The following INVS variants were observed in gnomAD, a reference collection of about 807,000 sequenced individuals.
The protein encoded by INVS is inversion of embryo turning homolog.
Under a neutral mutation model 108.8 loss-of-function variants are expected in INVS, and 86 were observed. The ratio of observed to expected loss-of-function variants is 0.79; its 90% CI spans 0.66 to 0.95. The LOEUF (loss-of-function observed/expected upper bound fraction) is 0.95, where lower values mean the gene tolerates loss of function less well. Ranked by LOEUF, INVS falls within the 40% of genes least tolerant of loss-of-function variation. INVS has a pLI of 0.00. For missense variants in INVS, 1,169 were observed against 1,297.4 expected (o/e 0.90, Z 1.52); for synonymous variants, 455 against 473.5 (o/e 0.96, Z 0.51).
At chr9:100,253,813 C>T (rs375366176) in intron 10 of INVS, among the ~76,000 whole-genome samples, 1 of 152,148 alleles carries the variant, frequency 6.6e-6, no homozygotes, top group South Asian at 2.1e-4. Context: ...TCCAGTCTAT[C>T]ATTGATGTAC....
At chr9:100,169,332 T>A (rs1829464625) in intron 3 of INVS, among the ~76,000 whole-genome samples, 1 of 152,194 alleles carries the variant, frequency 6.6e-6, no homozygotes, top group Non-Finnish European at 1.5e-5. Context: ...TATCCCTACA[T>A]ACTTACGCTG....
At chr9:100,100,903 G>A (rs1430308709) in intron 1 of INVS, among the ~76,000 whole-genome samples, 4 of 36,258 alleles carry the variant, frequency 1.1e-4, no homozygotes, top group African/African-American at 7.1e-4. Flanking sequence ...TATTATATAT[G>A]TATATATATT....
chr9:100,169,816 A>G (rs1256452546), intron 3 of INVS, among the ~76,000 whole-genome samples: 1 of 152,142 alleles, frequency 6.6e-6, no homozygotes, highest in Non-Finnish European at 1.5e-5. Flanking sequence ...TCCCTTTTCT[A>G]TAGTCATTCA....
intron 5 of INVS, among the ~76,000 whole-genome samples, chr9:100,234,460 G>T (rs907580373): frequency 2.6e-5 from 4 of 152,092 alleles, no homozygotes; most frequent in African/African-American, 9.7e-5. Context: ...TGATGTTAGG[G>T]TGTCAATTTT....
intron 3 of INVS, among the ~76,000 whole-genome samples, chr9:100,192,814 A>C (rs10989006): frequency 0.19 from 29,360 of 152,012 alleles, 4,522 homozygotes; most frequent in African/African-American, 0.43. Flanking sequence ...AAGTTGAGTA[A>C]TTTTCATATG....
chr9:100,257,023 A>G (rs1832442103), intron 10 of INVS, among the ~76,000 whole-genome samples: 1 of 152,182 alleles, frequency 6.6e-6, no homozygotes, highest in Non-Finnish European at 1.5e-5. Context: ...AAAGCCTCCC[A>G]TGATTATTGT....
intron 2 of INVS, 135 bp from the exon 3 acceptor site, chr9:100,126,245 ACTT>A (rs920403903): frequency 4.2e-6 from 3 of 711,624 alleles, no homozygotes; most frequent in African/African-American, 3.5e-5. Flanking sequence ...GGTAATATCT[ACTT>A]CTTAGGACAA....
intron 3 of INVS, among the ~76,000 whole-genome samples, chr9:100,167,651 C>T (rs1215415459): frequency 6.6e-6 from 1 of 152,118 alleles, no homozygotes; most frequent in Non-Finnish European, 1.5e-5. Context: ...ACTTATTTAT[C>T]TTGCTTATTG....
chr9:100,281,541 C>T (rs1833276964), intron 12 of INVS, among the ~76,000 whole-genome samples: 1 of 152,184 alleles, frequency 6.6e-6, no homozygotes, highest in Non-Finnish European at 1.5e-5. Context: ...ACTGCTATTA[C>T]ATCAAAGAAC....
intron 2 of INVS, among the ~76,000 whole-genome samples, chr9:100,124,495 C>T (rs1428025749): frequency 6.7e-6 from 1 of 150,314 alleles, no homozygotes; most frequent in East Asian, 1.9e-4. Context: ...GGGAGGATTG[C>T]TTTAGCCCAG....
chr9:100,224,652 T>C (rs924010437), intron 3 of INVS, among the ~76,000 whole-genome samples: 5 of 152,216 alleles, frequency 3.3e-5, no homozygotes, highest in African/African-American at 9.6e-5. Context: ...AGTCCGGCTC[T>C]GTCACCCAGG....
chr9:100,218,211 T>TTA (rs1394896706), intron 3 of INVS, among the ~76,000 whole-genome samples: 5 of 151,742 alleles, frequency 3.3e-5, no homozygotes, highest in East Asian at 3.9e-4. Flanking sequence ...TAGTGAACAT[T>TTA]TATATATATA....
intron 3 of INVS, among the ~76,000 whole-genome samples, chr9:100,206,157 G>C (rs1031702013): frequency 1.3e-5 from 2 of 152,114 alleles, no homozygotes; most frequent in African/African-American, 4.8e-5. Flanking sequence ...TAAGGCATGA[G>C]TAGGGAGCAT....
intron 3 of INVS, among the ~76,000 whole-genome samples, chr9:100,163,638 G>T (rs553493359): frequency 1.3e-5 from 2 of 152,290 alleles, no homozygotes; most frequent in African/African-American, 4.8e-5. Context: ...GATAGGGAGT[G>T]TAGGGATTTG....
At chr9:100,136,640 A>G (rs1828233831) in intron 3 of INVS, among the ~76,000 whole-genome samples, 2 of 152,206 alleles carry the variant, frequency 1.3e-5, no homozygotes, top group Admixed American at 1.3e-4. Context: ...CTAATAGATG[A>G]GAGATATTTG....
chr9:100,182,547 T>C (rs1829923454), intron 3 of INVS, among the ~76,000 whole-genome samples: 1 of 152,098 alleles, frequency 6.6e-6, no homozygotes. Flanking sequence ...TCACTAGTCA[T>C]TAGAGAAATG....
intron 10 of INVS, among the ~76,000 whole-genome samples, chr9:100,255,990 T>C (rs948066793): frequency 3.3e-5 from 5 of 152,242 alleles, no homozygotes; most frequent in African/African-American, 1.2e-4. Flanking sequence ...GAAGGAATGG[T>C]ACCAGCTCCT....
chr9:100,258,090 G>A (rs959988606), intron 10 of INVS, among the ~76,000 whole-genome samples: 6 of 152,078 alleles, frequency 3.9e-5, no homozygotes, highest in Non-Finnish European at 5.9e-5. Flanking sequence ...CATATTTCTT[G>A]GAGGCTTTGT....
chr9:100,299,983 A>C (rs985814788), intron 16 of INVS, among the ~76,000 whole-genome samples: 1 of 152,236 alleles, frequency 6.6e-6, no homozygotes, highest in Admixed American at 6.5e-5. Context: ...TATGCTCCAT[A>C]AAAAGTTAGA....
Sources: gnomAD v4.1 joint callset for allele counts (sites outside exome capture counted in the v4.1 genomes callset) on GRCh38, gnomAD v4.1.1 for gene constraint, MANE v1.5 for transcripts, NCBI Gene and HGNC (gene_info 2026-07-23, HGNC 2026-07-21) for gene names.